The following RELN variants were observed in gnomAD, a reference collection of about 807,000 sequenced individuals.
The protein encoded by RELN is reelin.
A neutral mutation model predicts 427.6 loss-of-function variants in RELN; 108 were observed. That is an observed-to-expected ratio of 0.25 (90% CI 0.22 to 0.30). The LOEUF is 0.30. Ranked by LOEUF, RELN falls within the 10% of genes least tolerant of loss-of-function variation. The pLI is 1.00. For synonymous variants in RELN, 1,524 were observed against 1,513.4 expected, an observed-to-expected ratio of 1.01 and a Z score of -0.16; for missense variants, 3,715 against 4,302.8, an observed-to-expected ratio of 0.86 and a Z score of 3.82.
In RELN at chr7:103,862,409, T is replaced by TTCATCTATCTATCTA. The variant is rs57691471; in HGVS notation, c.338-28738_338-28737insTAGATAGATAGATGA. On this transcript the variant is annotated intron_variant, in intron 2 of 64. Transcript: ENST00000428762. ...CTAGTCTCTTCCATTTATGCTTTTGTTCTATCTATCTATCTATCTATCTAT... is the reference window on the plus strand; with the variant it reads ...CTAGTCTCTTCCATTTATGCTTTTGTTCATCTATCTATCTATCTATCTATCTATCTATCTATCTAT... Among the ~76,000 whole-genome samples the TTCATCTATCTATCTA allele has an allele frequency of 3.9e-3, 561 of 144,838 alleles. 2 individuals carry two copies. The highest frequency in any genetic ancestry group is 9.1e-3 in the East Asian group (44 of 4,826).
chr7:103,858,945 C>T (rs746937517), intron 2 of RELN, among the ~76,000 whole-genome samples: 45 of 152,244 alleles, frequency 3.0e-4, no homozygotes, highest in Non-Finnish European at 4.9e-4. Context: ...CAAACACAGG[C>T]TTGCCTAGAG....
rs1001972240 is a variant in RELN at position 103,573,099 on chromosome 7, C to T, written c.4512-839G>A. 1.2e-4 allele frequency among the ~76,000 whole-genome samples: 18 copies of T among 152,128 alleles called. No individual in the cohort carries two copies. The highest frequency in any genetic ancestry group is 1.4e-4 in the African/African-American group (6 of 41,428). ...AACTACAGGCATGCGCCACCACACC[C>T]GGCTAATTTTTCTATTTTCAGTAGA... On this transcript the variant is annotated intron_variant, in intron 30 of 64. Transcript: ENST00000428762. The surrounding 1 kb of genome is among the most constrained non-coding windows in gnomAD (Gnocchi z 4.4).
chr7:103,846,836 G>C (rs1007667187), intron 2 of RELN, among the ~76,000 whole-genome samples: 1 of 152,200 alleles, frequency 6.6e-6, no homozygotes, highest in South Asian at 2.1e-4. Context: ...ATCATCACTG[G>C]TCATTACAGA....
At chr7:103,829,226 T>G (rs527895181) in intron 3 of RELN, among the ~76,000 whole-genome samples, 4 of 151,964 alleles carry the variant, frequency 2.6e-5, no homozygotes, top group Non-Finnish European at 5.9e-5. Context: ...ACAACCCCCT[T>G]TCCCTGGTAG....
chr7:103,684,999 C>T (rs1833734284), intron 10 of RELN, among the ~76,000 whole-genome samples: 1 of 152,124 alleles, frequency 6.6e-6, no homozygotes, highest in Non-Finnish European at 1.5e-5. Flanking sequence ...GGTAAAAATA[C>T]TGCAAACATT....
chr7:103,777,676 T>C (rs1584485383), intron 3 of RELN, among the ~76,000 whole-genome samples: 1 of 152,130 alleles, frequency 6.6e-6, no homozygotes, highest in East Asian at 1.9e-4. Flanking sequence ...CAACATTCCT[T>C]GCTCTGGCCC....
intron 2 of RELN, among the ~76,000 whole-genome samples, chr7:103,866,627 T>C (rs1794203898): frequency 6.6e-6 from 1 of 152,104 alleles, no homozygotes; most frequent in Non-Finnish European, 1.5e-5. Flanking sequence ...TTAGAACACC[T>C]ATATTTCTGA....
At chr7:103,581,183 C>T (rs1406873277) in intron 28 of RELN, among the ~76,000 whole-genome samples, 1 of 152,144 alleles carries the variant, frequency 6.6e-6, no homozygotes, top group African/African-American at 2.4e-5. Context: ...CTGTCTTAAT[C>T]ATTGGAATGT....
chr7:103,545,671 T>C (rs1830279995), intron 41 of RELN, among the ~76,000 whole-genome samples: 1 of 152,012 alleles, frequency 6.6e-6, no homozygotes, highest in African/African-American at 2.4e-5. Context: ...AGACAGAGTC[T>C]CACTCTGTCC....
chr7:103,976,358 C>A (rs1796879504), intron 1 of RELN, among the ~76,000 whole-genome samples: 1 of 152,150 alleles, frequency 6.6e-6, no homozygotes, highest in Admixed American at 6.5e-5. Flanking sequence ...TTTAGCAGAG[C>A]ACCCAGGCTG....
chr7:103,612,160 T>TA (rs1831974708), intron 20 of RELN, among the ~76,000 whole-genome samples: 1 of 152,196 alleles, frequency 6.6e-6, no homozygotes, highest in African/African-American at 2.4e-5. Context: ...TGAAAAGTAT[T>TA]ACAGGATTAC....
At chr7:103,859,296 T>C (rs1794017473) in intron 2 of RELN, among the ~76,000 whole-genome samples, 1 of 152,142 alleles carries the variant, frequency 6.6e-6, no homozygotes, top group Non-Finnish European at 1.5e-5. Flanking sequence ...ATTTATTTTA[T>C]TTATTTATTT....
In RELN at chr7:103,472,720, A is replaced by G. The variant is rs1827895746; in HGVS notation, c.*92T>C. ...CAGGTAATCACCAAGTCCTTCACAGATATTTCCTGATATCAGATGTAGTGC... is the reference window on the plus strand; with the variant it reads ...CAGGTAATCACCAAGTCCTTCACAGGTATTTCCTGATATCAGATGTAGTGC... On this transcript the variant is annotated 3_prime_UTR_variant, in exon 65 of 65. Transcript: ENST00000428762. The G allele has an allele frequency of 9.8e-7, 1 of 1,020,472 alleles. No individual in the cohort carries two copies. Among genetic ancestry groups the G allele is most frequent in the Non-Finnish European group, 1.5e-6 (1 of 653,434 alleles). 63.2% of individuals were successfully genotyped at this position (1,020,472 alleles called of 1,614,324 possible). A position where few individuals can be genotyped will look rare whatever the true frequency, so the allele number is the denominator to read the frequency against.
chr7:103,690,333 C>T (rs1037770421), intron 10 of RELN, among the ~76,000 whole-genome samples: 6 of 151,950 alleles, frequency 3.9e-5, no homozygotes, highest in Non-Finnish European at 7.4e-5. Flanking sequence ...AAACCAAGGC[C>T]ATTCTCACAG....
chr7:103,825,611 C>T (rs264372), intron 3 of RELN, among the ~76,000 whole-genome samples: 75,526 of 151,688 alleles, frequency 0.5, 19,052 homozygotes, highest in Admixed American at 0.6. Context: ...GTAAATGTCA[C>T]GGTAATATTT....
At chr7:103,686,852 T>C (rs2115722363) in intron 10 of RELN, among the ~76,000 whole-genome samples, 1 of 152,294 alleles carries the variant, frequency 6.6e-6, no homozygotes, top group South Asian at 2.1e-4. Context: ...ATTTCTCTCA[T>C]GAGGCAAAAT....
At position 103,754,218 on chromosome 7, in the gene RELN, C is replaced by T. The variant is rs185971220; in HGVS notation, c.545-1004G>A. Among the ~76,000 whole-genome samples the T allele has an allele frequency of 1.3e-3, 204 of 151,834 alleles. 1 individual carries two copies. Among genetic ancestry groups the T allele is most frequent in the African/African-American group, 4.8e-3 (198 of 41,384 alleles). On this transcript the variant is annotated intron_variant, in intron 4 of 64. Transcript: ENST00000428762. ...CTCATTAATAGTTTTAAATTGACCA[C>T]ATTATATCCAAATGTTTAATATTTT...
At chr7:103,543,367 T>C (rs1476869374) in intron 42 of RELN, among the ~76,000 whole-genome samples, 1 of 152,158 alleles carries the variant, frequency 6.6e-6, no homozygotes, top group Non-Finnish European at 1.5e-5. Flanking sequence ...CCTTTAAGGC[T>C]GGGTGCGGTG....
chr7:103,816,343 C>A (rs1792869072), intron 3 of RELN, among the ~76,000 whole-genome samples: 1 of 152,140 alleles, frequency 6.6e-6, no homozygotes, highest in Non-Finnish European at 1.5e-5. Context: ...CGTGCCACTG[C>A]ACTCCAGCCT....
Sources: allele counts gnomAD v4.1 joint callset (sites outside exome capture counted in the v4.1 genomes callset), GRCh38; gene constraint gnomAD v4.1.1; non-coding constraint Gnocchi (gnomAD v3.1); transcripts MANE v1.5; gene names NCBI Gene and HGNC (gene_info 2026-07-23, HGNC 2026-07-21).